The following SLC25A23 variants were observed in gnomAD, a reference collection of about 807,000 sequenced individuals.
The protein encoded by SLC25A23 is solute carrier family 25 member 23.
A neutral mutation model predicts 53.9 loss-of-function variants in SLC25A23; 32 were observed. The ratio of observed to expected loss-of-function variants is 0.59; its 90% CI spans 0.45 to 0.80. The LOEUF (loss-of-function observed/expected upper bound fraction) is 0.80. Ranked by LOEUF, SLC25A23 falls within the 30% of genes least tolerant of loss-of-function variation. The probability of loss-of-function intolerance (pLI) is 0.00; values close to 1 mark genes in which losing one functional copy is unlikely to be tolerated. For missense variants in SLC25A23, 575 were observed against 651.4 expected (o/e 0.88, Z 1.28); for synonymous variants, 275 against 264.5 (o/e 1.04, Z -0.38).
intron 7 of SLC25A23, 53 bp from the exon 8 acceptor site, chr19:6,452,532 C>A: frequency 6.4e-7 from 1 of 1,557,110 alleles, no homozygotes; most frequent in Non-Finnish European, 8.7e-7. Context: ...ATCGCTACAT[C>A]CAGGAATGAA....
Position 6,454,452 on chromosome 19 carries a change from C to A in SLC25A23, c.666G>T (p.Arg222=). Residue 222 remains arginine, a synonymous_variant, in exon 6 of 10, where the codon CGG becomes CGT. Transcript: ENST00000301454. The surrounding 1 kb of genome is among the most constrained non-coding windows in gnomAD (Gnocchi z 4.3). ...TTCGAAGCCCCCCAAGGATGTTCAG[C>A]CGGTTGGTCTTTGAGGCATGGACCT... ...FMQVHASKTN[R]LNILGGLRSM... 6.2e-7 allele frequency: 1 copy of A among 1,614,164 alleles called. No homozygotes were observed. The highest frequency in any genetic ancestry group is 8.5e-7 in the Non-Finnish European group (1 of 1,180,042).
At chr19:6,448,739 G>C (rs967608260) in intron 8 of SLC25A23, among the ~76,000 whole-genome samples, 8 of 151,426 alleles carry the variant, frequency 5.3e-5, no homozygotes, top group Non-Finnish European at 1.0e-4. Context: ...AAAGTGCTGG[G>C]ATTACAGGTG....
At chr19:6,451,523 T>C (rs2092590735) in intron 8 of SLC25A23, among the ~76,000 whole-genome samples, 1 of 152,216 alleles carries the variant, frequency 6.6e-6, no homozygotes, top group Non-Finnish European at 1.5e-5. Flanking sequence ...GGCCCTGTCT[T>C]GCATACAAAG....
rs1377706923 is a variant in SLC25A23 at position 6,454,725 on chromosome 19, T to C, written c.484-8A>G. The stretch of plus-strand genomic sequence containing the variant: ...CTCGCCAATGTCCAGGACCTAAAGA[T>C]ACAGGTGTTGGGGGTGTCATGCCAT... On this transcript the variant is annotated splice_region_variant and splice_polypyrimidine_tract_variant and intron_variant, in intron 4 of 9. Transcript: ENST00000301454. The surrounding 1 kb of genome is among the most constrained non-coding windows in gnomAD (Gnocchi z 4.3). 2.5e-6 allele frequency: 4 copies of C among 1,613,402 alleles called. No individual in the cohort carries two copies. Among genetic ancestry groups the C allele is most frequent in the Non-Finnish European group, 3.4e-6 (4 of 1,179,826 alleles).
chr19:6,437,415 A>G (rs1444841333), downstream of SLC25A23, among the ~76,000 whole-genome samples: 2 of 152,160 alleles, frequency 1.3e-5, no homozygotes, highest in African/African-American at 4.8e-5. Context: ...TGCAAATGTG[A>G]CCTTATTTGG....
downstream of SLC25A23, chr19:6,438,751 A>T: frequency 3.1e-6 from 1 of 321,008 alleles, no homozygotes; most frequent in Non-Finnish European, 6.7e-6. Flanking sequence ...CTGGAGGCTG[A>T]GGCAGGAGAA....
At position 6,458,281 on chromosome 19, in the gene SLC25A23, TCGAGC is replaced by T; in HGVS notation, c.195_199del (p.Leu66ProfsTer23). On this transcript the variant is annotated frameshift_variant, in exon 2 of 10. Transcript: ENST00000301454. LOFTEE classifies it high-confidence loss of function. ...CAGATAGCGGGAAAATTCCTCCAGGTCGAGCCCGCCATCTGGGTCAGCATCACCCT... is the reference window on the plus strand; with the variant it reads ...CAGATAGCGGGAAAATTCCTCCAGGTCCGCCATCTGGGTCAGCATCACCCT... The T allele has an allele frequency of 6.2e-7, 1 of 1,613,288 alleles. No homozygotes were observed. Among genetic ancestry groups the T allele is most frequent in the Non-Finnish European group, 8.5e-7 (1 of 1,179,944 alleles).
At chr19:6,442,215 C>G (rs1481463532) in intron 9 of SLC25A23, 56 bp from the exon 10 acceptor site, 1 of 1,286,718 alleles carries the variant, frequency 7.8e-7, no homozygotes, top group Non-Finnish European at 1.0e-6. Flanking sequence ...TTCACTTCCC[C>G]CTCCTACCCC....
rs994771443 is a variant in SLC25A23 at position 6,459,093 on chromosome 19, C to A, written c.156+380G>T. On this transcript the variant is annotated intron_variant, in intron 1 of 9. Coordinates refer to ENST00000301454, the MANE Select transcript of SLC25A23 (RefSeq NM_024103.3). The surrounding 1 kb of genome is among the most constrained non-coding windows in gnomAD (Gnocchi z 4.6). ...GGATCGGGGCAGCTGCAGGCCAGGG[C>A]AGTAGGTGCCCAGAGGATGGAGGGT... 1.3e-5 allele frequency among the ~76,000 whole-genome samples: 2 copies of A among 152,186 alleles called. No homozygotes were observed. The highest frequency in any genetic ancestry group is 4.8e-5 in the African/African-American group (2 of 41,446).
At chr19:6,456,059 C>A (rs1287044397) in intron 4 of SLC25A23, 1 of 1,334,612 alleles carries the variant, frequency 7.5e-7, no homozygotes, top group African/African-American at 1.5e-5. Flanking sequence ...GCCGTAGAAT[C>A]TTTTATCCAG....
In SLC25A23 at chr19:6,456,488, G is replaced by A. The variant is rs939062045; in HGVS notation, c.415C>T (p.Arg139Cys). ...AGCGAATGCAACAGGAAGTGGTCGC[G>A]CCATTCTTGCCAGTCAATGGTCATT... The part of the protein sequence containing the change: ...GTMTIDWQEW[R>C]DHFLLHSLEN... Residue 139 changes from arginine to cysteine, a missense_variant, in exon 4 of 10, where the codon CGC becomes TGC. Physicochemically the swap from Arg to Cys is radical, Grantham distance 180. Transcript: ENST00000301454. 8 of 1,613,506 alleles carry A rather than the reference G, an allele frequency of 5.0e-6. No individual in the cohort carries two copies. The highest frequency in any genetic ancestry group is 1.6e-4 in the Middle Eastern group (1 of 6,084).
At chr19:6,452,251 G>A (rs549364744) in intron 8 of SLC25A23, 61 bp downstream of exon 8, 1 of 1,554,178 alleles carries the variant, frequency 6.4e-7, no homozygotes, top group Non-Finnish European at 8.7e-7. Flanking sequence ...GAAGGGGAAG[G>A]GGTGTCCTGT....
In SLC25A23 at chr19:6,454,517, T is replaced by C; in HGVS notation, c.642+42A>G. 1 of 1,613,214 alleles carries C rather than the reference T, an allele frequency of 6.2e-7. No homozygotes were observed. The highest frequency in any genetic ancestry group is 8.5e-7 in the Non-Finnish European group (1 of 1,179,570). ...CAGCTTGGAGGTCCCCTCCCAGGTGTCAGGCCTGGGGGAGGGGGCAGGTCT... is the reference window on the plus strand; with the variant it reads ...CAGCTTGGAGGTCCCCTCCCAGGTGCCAGGCCTGGGGGAGGGGGCAGGTCT... On this transcript the variant is annotated intron_variant, in intron 5 of 9. Coordinates refer to ENST00000301454, the MANE Select transcript of SLC25A23 (RefSeq NM_024103.3). This position sits in a 1 kb window ranked among gnomAD's most constrained non-coding sequence, Gnocchi z 4.3.
intron 7 of SLC25A23, 142 bp downstream of exon 7, chr19:6,453,839 T>G: frequency 6.6e-6 from 4 of 606,902 alleles, no homozygotes; most frequent in Non-Finnish European, 8.4e-6. Flanking sequence ...CACATGAAAT[T>G]GCATTACTCT....
Position 6,459,606 on chromosome 19 carries a change from G to A in SLC25A23, c.23C>T (p.Ala8Val). 1 of 1,528,026 alleles carries A rather than the reference G, an allele frequency of 6.5e-7. No individual in the cohort carries two copies. Among genetic ancestry groups the A allele is most frequent in the Non-Finnish European group, 8.7e-7 (1 of 1,144,004 alleles). 94.7% of individuals were successfully genotyped at this position (1,528,026 alleles called of 1,614,324 possible). MRGSPGD[A>V]ERRQRWGRLF... ...GCGACCCCAGCGCTGCCGCCGCTCCGCGTCGCCCGGGCTCCCCCGCATGGC... is the reference window on the plus strand; with the variant it reads ...GCGACCCCAGCGCTGCCGCCGCTCCACGTCGCCCGGGCTCCCCCGCATGGC... The change falls in exon 1 of 10, where the codon GCG (alanine) becomes GTG (valine). Residue 8 changes from alanine (A) to valine (V), a missense_variant. By Grantham distance (64) the Ala-to-Val change is moderately conservative (BLOSUM62 0). Coordinates refer to ENST00000301454, the MANE Select transcript of SLC25A23 (RefSeq NM_024103.3). This position sits in a 1 kb window ranked among gnomAD's most constrained non-coding sequence, Gnocchi z 4.6.
intron 3 of SLC25A23, among the ~76,000 whole-genome samples, chr19:6,457,220 C>A (rs1024431431): frequency 6.6e-6 from 1 of 151,932 alleles, no homozygotes; most frequent in Non-Finnish European, 1.5e-5. Context: ...GCATGCACCA[C>A]CACGCCTGGC....
Position 6,457,358 on chromosome 19 carries a change from C to T in SLC25A23, c.371+145G>A, listed in dbSNP as rs543356687. On this transcript the variant is annotated intron_variant, in intron 3 of 9. Coordinates refer to ENST00000301454, the MANE Select transcript of SLC25A23 (RefSeq NM_024103.3). ...CTGGGGTTACAGATGTGAGCCACTG[C>T]GCCTGGCCAGATCTGTCTGACTTCA... 85 of 703,298 alleles carry T rather than the reference C, an allele frequency of 1.2e-4. No homozygotes were observed. In the East Asian group the frequency reaches 1.9e-3, roughly 16 times the overall value. The allele number at this position is 703,298 out of a possible 1,614,324, so 43.6% of individuals were successfully genotyped here.
chr19:6,453,104 G>A (rs1046318094), intron 7 of SLC25A23, among the ~76,000 whole-genome samples: 2 of 152,072 alleles, frequency 1.3e-5, no homozygotes, highest in African/African-American at 2.4e-5. Flanking sequence ...TGTGATGAAC[G>A]GAGCACAAGC....
In SLC25A23 at chr19:6,459,331, G is replaced by C. The variant is rs2092727363; in HGVS notation, c.156+142C>G. ...ATCCCGTTAGGCCAAACACGAGTGGGTAGGGGGAACGAGACAGAGACACAG... is the reference window on the plus strand; with the variant it reads ...ATCCCGTTAGGCCAAACACGAGTGGCTAGGGGGAACGAGACAGAGACACAG... On this transcript the variant is annotated intron_variant, in intron 1 of 9. Transcript: ENST00000301454. The surrounding 1 kb of genome is among the most constrained non-coding windows in gnomAD (Gnocchi z 4.6). 1.5e-6 allele frequency: 1 copy of C among 675,948 alleles called. No individual in the cohort carries two copies. Among genetic ancestry groups the C allele is most frequent in the East Asian group, 3.4e-5 (1 of 29,340 alleles). The allele number at this position is 675,948 out of a possible 1,614,324, so 41.9% of individuals were successfully genotyped here.
Sources: allele counts gnomAD v4.1 joint callset (sites outside exome capture counted in the v4.1 genomes callset), GRCh38; gene constraint gnomAD v4.1.1; non-coding constraint Gnocchi (gnomAD v3.1); transcripts MANE v1.5; gene names NCBI Gene and HGNC (gene_info 2026-07-23, HGNC 2026-07-21).